The following RAPGEF1 variants were observed in gnomAD, a reference collection of about 807,000 sequenced individuals.
RAPGEF1 encodes the protein Rap guanine nucleotide exchange factor 1, also known as CRK SH3-binding GNRP.
Under a neutral mutation model 143.3 loss-of-function variants are expected in RAPGEF1, and 33 were observed. The ratio of observed to expected loss-of-function variants is 0.23; its 90% CI spans 0.17 to 0.31. The LOEUF is 0.31. Among genes scored for constraint, RAPGEF1 ranks in the 10% least tolerant of loss-of-function variants. The pLI is 1.00. For missense variants in RAPGEF1, 1,199 were observed against 1,645.4 expected, an observed-to-expected ratio of 0.73 and a Z score of 4.69; for synonymous variants, 629 against 676.5, an observed-to-expected ratio of 0.93 and a Z score of 1.09.
At chr9:131,674,474 C>T (rs982120845) in intron 1 of RAPGEF1, among the ~76,000 whole-genome samples, 2 of 152,200 alleles carry the variant, frequency 1.3e-5, no homozygotes, top group Non-Finnish European at 1.5e-5. Context: ...GGCCCTGGTC[C>T]GGTTCCCCAA....
rs967832296 is a variant in RAPGEF1 at position 131,675,956 on chromosome 9, T to G, written c.62-25007A>C. On this transcript the variant is annotated intron_variant, in intron 1 of 26. Coordinates refer to ENST00000683357, the MANE Select transcript of RAPGEF1 (RefSeq NM_001377935.1). This position sits in a 1 kb window ranked among gnomAD's most constrained non-coding sequence, Gnocchi z 4.6. Reference sequence around the variant, plus strand: ...TCGCCCTGTGGCCCAGGCTGGAGTGTAGTGGCATGGTCGTAGCTCACTACA... The same window carrying G: ...TCGCCCTGTGGCCCAGGCTGGAGTGGAGTGGCATGGTCGTAGCTCACTACA... 2.6e-5 allele frequency among the ~76,000 whole-genome samples: 4 copies of G among 151,844 alleles called. No homozygotes were observed. In the East Asian group the frequency reaches 7.7e-4, roughly 29 times the overall value.
chr9:131,600,810 G>A (rs1384673444), intron 15 of RAPGEF1, among the ~76,000 whole-genome samples: 1 of 152,092 alleles, frequency 6.6e-6, no homozygotes, highest in Non-Finnish European at 1.5e-5. Flanking sequence ...GGTGCATACT[G>A]GGGAAATCTA....
chr9:131,639,327 C>T (rs1365910111), intron 4 of RAPGEF1, among the ~76,000 whole-genome samples: 2 of 152,056 alleles, frequency 1.3e-5, no homozygotes, highest in Admixed American at 6.5e-5. Context: ...TGCACTATAA[C>T]GATGAGACAG....
chr9:131,691,979 C>T (rs914652626), intron 1 of RAPGEF1, among the ~76,000 whole-genome samples: 1 of 152,146 alleles, frequency 6.6e-6, no homozygotes, highest in African/African-American at 2.4e-5. Flanking sequence ...CTCCAGAATT[C>T]GGAAATTATT....
In RAPGEF1 at chr9:131,667,856, G is replaced by C. The variant is rs1251825347; in HGVS notation, c.62-16907C>G. 6.6e-6 allele frequency among the ~76,000 whole-genome samples: 1 copy of C among 152,132 alleles called. No homozygotes were observed. The highest frequency in any genetic ancestry group is 1.5e-5 in the Non-Finnish European group (1 of 68,018). ...GGGAGTAGTGATCTTTACCTCACTG[G>C]GCCGTTGGGAGGATGTCATACAGTA... On this transcript the variant is annotated intron_variant, in intron 1 of 26. Transcript: ENST00000683357. The surrounding 1 kb of genome is among the most constrained non-coding windows in gnomAD (Gnocchi z 4.6).
At chr9:131,639,710 CCAAAAAAACACACAAAAAA>C (rs1588674982) in intron 4 of RAPGEF1, among the ~76,000 whole-genome samples, 4 of 151,780 alleles carry the variant, frequency 2.6e-5, no homozygotes, top group Admixed American at 6.6e-5. Flanking sequence ...CTCCTCTACT[CCAAAAAAACACACAAAAAA>C]CAAAAAAACA....
chr9:131,733,678 C>A (rs531973537), intron 1 of RAPGEF1, among the ~76,000 whole-genome samples: 1 of 152,128 alleles, frequency 6.6e-6, no homozygotes, highest in Non-Finnish European at 1.5e-5. Flanking sequence ...GGCGGCGAGG[C>A]GGCCGCGGGG....
At chr9:131,737,402 C>T in intron 1 of RAPGEF1, 2 of 1,613,854 alleles carry the variant, frequency 1.2e-6, no homozygotes, top group Non-Finnish European at 1.7e-6. Flanking sequence ...ACCCCTCTCT[C>T]ACCTGTGTCC....
chr9:131,686,575 T>C (rs1833368449), intron 1 of RAPGEF1, among the ~76,000 whole-genome samples: 1 of 152,188 alleles, frequency 6.6e-6, no homozygotes, highest in African/African-American at 2.4e-5. Context: ...CTGGGTTCCC[T>C]CTCTGTTTGA....
intron 20 of RAPGEF1, 72 bp from the exon 21 acceptor site, chr9:131,588,098 C>CA: frequency 7.7e-7 from 1 of 1,303,438 alleles, no homozygotes; most frequent in East Asian, 2.4e-5. Context: ...CAGGCCCGGG[C>CA]TGCGGGCGTC....
At chr9:131,585,907 C>T (rs1032889763) in intron 22 of RAPGEF1, among the ~76,000 whole-genome samples, 1 of 152,036 alleles carries the variant, frequency 6.6e-6, no homozygotes, top group African/African-American at 2.4e-5. Context: ...AGGCTGGGAG[C>T]GGTGGCTCAT....
chr9:131,640,174 AC>A (rs1967469418), intron 4 of RAPGEF1, among the ~76,000 whole-genome samples: 1 of 152,240 alleles, frequency 6.6e-6, no homozygotes, highest in Non-Finnish European at 1.5e-5. Flanking sequence ...CGGGGGTTGG[AC>A]CAGAGCTGAT....
chr9:131,584,439 G>A lies in RAPGEF1; in HGVS notation c.3313-27C>T. On this transcript the variant is annotated intron_variant, in intron 23 of 26. Coordinates refer to ENST00000683357, the MANE Select transcript of RAPGEF1 (RefSeq NM_001377935.1). This position sits in a 1 kb window ranked among gnomAD's most constrained non-coding sequence, Gnocchi z 6.8. ...TGCCGAGAGAGGGGCGGTGCCGTGA[G>A]GCAGGAGGGCAGGCGGGTCCCGGGC... The A allele has an allele frequency of 6.2e-7, 1 of 1,613,536 alleles. No individual in the cohort carries two copies. The highest frequency in any genetic ancestry group is 8.5e-7 in the Non-Finnish European group (1 of 1,179,416).
intron 1 of RAPGEF1, among the ~76,000 whole-genome samples, chr9:131,727,940 G>C (rs1836782741): frequency 1.3e-5 from 2 of 152,190 alleles, no homozygotes; most frequent in Admixed American, 6.5e-5. Flanking sequence ...ACAAATTAGT[G>C]TGGTTATGCT....
At chr9:131,657,266 T>C (rs1271970975) in intron 1 of RAPGEF1, among the ~76,000 whole-genome samples, 1 of 152,128 alleles carries the variant, frequency 6.6e-6, no homozygotes, top group Non-Finnish European at 1.5e-5. Context: ...GACAGACAGA[T>C]GCACTCTCCC....
intron 1 of RAPGEF1, among the ~76,000 whole-genome samples, chr9:131,726,204 G>A (rs1449988605): frequency 6.6e-5 from 10 of 152,288 alleles, no homozygotes; most frequent in Admixed American, 2.0e-4. Context: ...AAAAAGGAAT[G>A]AACCAGTGAT....
At chr9:131,614,834 GTTTT>G (rs5900947) in intron 12 of RAPGEF1, among the ~76,000 whole-genome samples, 1 of 146,232 alleles carries the variant, frequency 6.8e-6, no homozygotes, top group African/African-American at 2.5e-5. Flanking sequence ...TTAGCCTGAA[GTTTT>G]TTTTTTTTTT....
At chr9:131,631,477 G>T (rs1033939702) in intron 5 of RAPGEF1, among the ~76,000 whole-genome samples, 1 of 152,248 alleles carries the variant, frequency 6.6e-6, no homozygotes, top group African/African-American at 2.4e-5. Flanking sequence ...GTTCCCACTC[G>T]TGGATGCACC....
intron 1 of RAPGEF1, among the ~76,000 whole-genome samples, chr9:131,688,146 G>C (rs1833503226): frequency 6.6e-6 from 1 of 152,230 alleles, no homozygotes; most frequent in South Asian, 2.1e-4. Flanking sequence ...GCTTAGAGGA[G>C]ATATGCTGGA....
Sources: allele counts gnomAD v4.1 joint callset (sites outside exome capture counted in the v4.1 genomes callset), GRCh38; gene constraint gnomAD v4.1.1; non-coding constraint Gnocchi (gnomAD v3.1); transcripts MANE v1.5; gene names NCBI Gene and HGNC (gene_info 2026-07-23, HGNC 2026-07-21).